The following PARD3 variants were observed in gnomAD, a reference collection of about 807,000 sequenced individuals.
The protein encoded by PARD3 is par-3 family cell polarity regulator, also known as partitioning defective 3 homolog.
PARD3 carries 75 observed loss-of-function variants against 155.4 expected under a neutral mutation model. That is an observed-to-expected ratio of 0.48 (90% CI 0.40 to 0.58). PARD3 has a LOEUF of 0.58. Ranked by LOEUF, PARD3 falls within the 20% of genes least tolerant of loss-of-function variation. The probability of loss-of-function intolerance (pLI) is 0.00; values close to 1 mark genes in which losing one functional copy is unlikely to be tolerated. For missense variants in PARD3, 1,642 were observed against 1,721.7 expected (o/e 0.95, Z 0.82); for synonymous variants, 576 against 610.5 (o/e 0.94, Z 0.83).
chr10:34,770,618 C>G (rs1205162085), intron 1 of PARD3, among the ~76,000 whole-genome samples: 1 of 152,170 alleles, frequency 6.6e-6, no homozygotes, highest in Non-Finnish European at 1.5e-5. Flanking sequence ...AAAACGCTAG[C>G]CTTGCAGTCA....
chr10:34,237,916 T>C (rs924816429), intron 22 of PARD3, among the ~76,000 whole-genome samples: 10 of 152,150 alleles, frequency 6.6e-5, no homozygotes, highest in Non-Finnish European at 8.8e-5. Flanking sequence ...TGAATTTAGT[T>C]TATGAATACT....
At chr10:34,154,935 T>G (rs1948937619) in intron 22 of PARD3, among the ~76,000 whole-genome samples, 1 of 152,252 alleles carries the variant, frequency 6.6e-6, no homozygotes, top group South Asian at 2.1e-4. Flanking sequence ...CCAGGCATTA[T>G]GTAAATTGTT....
intron 22 of PARD3, among the ~76,000 whole-genome samples, chr10:34,221,838 C>T (rs981821181): frequency 6.6e-6 from 1 of 152,176 alleles, no homozygotes; most frequent in African/African-American, 2.4e-5. Flanking sequence ...TGTTGTGTTT[C>T]ACCATTCTAT....
chr10:34,787,606 A>G (rs568971409), intron 1 of PARD3, among the ~76,000 whole-genome samples: 1 of 152,296 alleles, frequency 6.6e-6, no homozygotes, highest in East Asian at 1.9e-4. Context: ...GCATTTTTAT[A>G]TCTCGTTAAA....
chr10:34,638,309 A>T (rs989470472), intron 2 of PARD3, among the ~76,000 whole-genome samples: 1 of 152,172 alleles, frequency 6.6e-6, no homozygotes. Context: ...TAAATTCCTA[A>T]GTACTGAGAT....
At chr10:34,503,565 T>A (rs2080854357) in intron 3 of PARD3, among the ~76,000 whole-genome samples, 1 of 152,236 alleles carries the variant, frequency 6.6e-6, no homozygotes, top group South Asian at 2.1e-4. Flanking sequence ...ACATACTTTT[T>A]AAAAAAATTA....
At chr10:34,757,181 A>G (rs1253761846) in intron 1 of PARD3, among the ~76,000 whole-genome samples, 1 of 152,222 alleles carries the variant, frequency 6.6e-6, no homozygotes, top group Admixed American at 6.5e-5. Flanking sequence ...TCTAAAATAC[A>G]TATTTCCACA....
At position 34,401,841 on chromosome 10, in the gene PARD3, G is replaced by C; in HGVS notation, c.791C>G (p.Pro264Arg). ...AGTAACTTACTCCAGAGAAAAGTTG[G>C]GTATATGCTCCAAACCCGTGTCAGC... is the stretch of plus-strand genomic sequence containing the variant. ...GHADTGLEHIPNFSLDDMVKL... is the reference protein window; with the variant it reads ...GHADTGLEHIRNFSLDDMVKL... The change falls in exon 6 of 25, where the codon CCC becomes CGC. Residue 264 changes from proline (P) to arginine (R), a missense_variant. Physicochemically the swap from Pro to Arg is moderately radical, Grantham distance 103. Transcript: ENST00000374788. 6.2e-7 allele frequency: 1 copy of C among 1,612,056 alleles called. No individual in the cohort carries two copies. The highest frequency in any genetic ancestry group is 8.5e-7 in the Non-Finnish European group (1 of 1,178,278).
chr10:34,722,181 G>A (rs902913019), intron 1 of PARD3, among the ~76,000 whole-genome samples: 91 of 152,072 alleles, frequency 6.0e-4, no homozygotes, highest in African/African-American at 2.1e-3. Flanking sequence ...GATAAAGTGA[G>A]ATCCTGTCTC....
At position 34,286,961 on chromosome 10, in the gene PARD3, C is replaced by T. The variant is rs539802840; in HGVS notation, c.3066-2716G>A. ...CATGGACGTTAGGGAAAGAGAGTCA[C>T]TGATGATTCCAGGGTTTTAGCCAAG... On this transcript the variant is annotated intron_variant, in intron 20 of 24. Coordinates refer to ENST00000374788, the MANE Select transcript of PARD3 (RefSeq NM_001184785.2). 3.9e-5 allele frequency among the ~76,000 whole-genome samples: 6 copies of T among 152,004 alleles called. No homozygotes were observed. The East Asian group carries it at 1.2e-3, about 30-fold the overall frequency.
intron 1 of PARD3, among the ~76,000 whole-genome samples, chr10:34,714,771 C>A (rs944302924): frequency 2.4e-5 from 3 of 125,282 alleles, no homozygotes; most frequent in Non-Finnish European, 5.2e-5. Flanking sequence ...GAACACACAT[C>A]AAAATTTTTT....
chr10:34,462,328 C>A (rs922515362), intron 4 of PARD3, among the ~76,000 whole-genome samples: 1 of 152,162 alleles, frequency 6.6e-6, no homozygotes, highest in Admixed American at 6.5e-5. Flanking sequence ...ATGCTTGGCT[C>A]ACAAATAACC....
chr10:34,432,230 A>G (rs2075972463), intron 5 of PARD3, among the ~76,000 whole-genome samples: 1 of 151,744 alleles, frequency 6.6e-6, no homozygotes. Context: ...TTGATTTTAA[A>G]AACAAACAGA....
intron 3 of PARD3, among the ~76,000 whole-genome samples, chr10:34,509,257 C>G (rs746783043): frequency 6.6e-6 from 1 of 152,078 alleles, no homozygotes; most frequent in East Asian, 1.9e-4. Flanking sequence ...ATGCAAAGAC[C>G]TTCCGAGAGA....
At chr10:34,418,612 T>C (rs1845894942) in intron 5 of PARD3, among the ~76,000 whole-genome samples, 1 of 152,206 alleles carries the variant, frequency 6.6e-6, no homozygotes, top group South Asian at 2.1e-4. Context: ...ATTATTAATC[T>C]TTAGAAAATT....
intron 12 of PARD3, among the ~76,000 whole-genome samples, chr10:34,365,333 G>A (rs1204357384): frequency 6.6e-6 from 1 of 152,154 alleles, no homozygotes; most frequent in Non-Finnish European, 1.5e-5. Flanking sequence ...TAATATGTAA[G>A]ACAAGAAAGT....
intron 2 of PARD3, among the ~76,000 whole-genome samples, chr10:34,550,234 A>G (rs1205101576): frequency 1.3e-5 from 2 of 152,096 alleles, no homozygotes; most frequent in Non-Finnish European, 2.9e-5. Context: ...TCCACCTTTT[A>G]TCTTTGAGAC....
chr10:34,766,617 C>CAAAAAAAAAAAA (rs34958448), intron 1 of PARD3, among the ~76,000 whole-genome samples: 3 of 81,788 alleles, frequency 3.7e-5, no homozygotes, highest in African/African-American at 1.4e-4. Flanking sequence ...ACTTAATTGA[C>CAAAAAAAAAAAA]AAAAAAAAAA....
At chr10:34,300,013 C>T (rs1191402163) in intron 20 of PARD3, among the ~76,000 whole-genome samples, 1 of 152,012 alleles carries the variant, frequency 6.6e-6, no homozygotes, top group Non-Finnish European at 1.5e-5. Flanking sequence ...AAAATGTTTC[C>T]GAATGCAATA....
Sources: gnomAD v4.1 joint callset for allele counts (sites outside exome capture counted in the v4.1 genomes callset) on GRCh38, gnomAD v4.1.1 for gene constraint, MANE v1.5 for transcripts, NCBI Gene and HGNC (gene_info 2026-07-23, HGNC 2026-07-21) for gene names.